Variants in DPYSL2 observed in about 807,000 individuals in gnomAD.
DPYSL2 encodes the protein dihydropyrimidinase like 2, also known as dihydropyrimidinase-related protein 2.
A neutral mutation model predicts 69.9 loss-of-function variants in DPYSL2; 13 were observed. The observed-to-expected ratio is 0.19, with a 90% CI of 0.12 to 0.30. DPYSL2 has a LOEUF of 0.30. Ranked by LOEUF, DPYSL2 falls within the 10% of genes least tolerant of loss-of-function variation. The pLI, the probability that DPYSL2 is intolerant of heterozygous loss-of-function variation, is 1.00. For synonymous variants in DPYSL2, 326 were observed against 359.1 expected, an observed-to-expected ratio of 0.91 and a Z score of 1.04; for missense variants, 587 against 918.9, an observed-to-expected ratio of 0.64 and a Z score of 4.67.
In DPYSL2 at chr8:26,517,383, A is replaced by G. The variant is rs930560440; in HGVS notation, c.354+2704A>G. Among the ~76,000 whole-genome samples, 1 of 152,186 alleles carries G rather than the reference A, an allele frequency of 6.6e-6. No individual in the cohort carries two copies. The highest frequency in any genetic ancestry group is 2.4e-5 in the African/African-American group (1 of 41,446). ...GGTGTGGCTTGACTCGGCATGTCAG[A>G]TTTTGGCGGAGGAAAAGAGCTGGCA... is the stretch of plus-strand genomic sequence containing the variant. On this transcript the variant is annotated intron_variant, in intron 1 of 13. Coordinates refer to ENST00000521913, the MANE Select transcript of DPYSL2 (RefSeq NM_001197293.3). This position sits in a 1 kb window ranked among gnomAD's most constrained non-coding sequence, Gnocchi z 4.2.
intron 1 of DPYSL2, among the ~76,000 whole-genome samples, chr8:26,521,573 TCA>T (rs1808385334): frequency 6.6e-6 from 1 of 152,338 alleles, no homozygotes; most frequent in African/African-American, 2.4e-5. Context: ...TTTACTGCAT[TCA>T]CAGTGTTGTG....
intron 11 of DPYSL2, among the ~76,000 whole-genome samples, chr8:26,649,485 C>T (rs1333574783): frequency 5.3e-5 from 8 of 152,192 alleles, no homozygotes; most frequent in African/African-American, 9.6e-5. Context: ...GACATTTTCA[C>T]CCCAACCTAC....
intron 10 of DPYSL2, among the ~76,000 whole-genome samples, chr8:26,646,506 G>T (rs893580548): frequency 1.3e-5 from 2 of 152,186 alleles, no homozygotes; most frequent in Admixed American, 1.3e-4. Context: ...TTCAATTACT[G>T]ATTAGAGTGA....
rs533531586 is a variant in DPYSL2, at chr8:26,640,209, A to G, written c.1127-3230A>G. On this transcript the variant is annotated intron_variant, in intron 8 of 13. Coordinates refer to ENST00000521913, the MANE Select transcript of DPYSL2 (RefSeq NM_001197293.3). This position sits in a 1 kb window ranked among gnomAD's most constrained non-coding sequence, Gnocchi z 4.2. ...AAGCATATTTAAACCGCAGCCTTCCATTTATTCTTCATGAATGCACACGGG... is the reference window on the plus strand; with the variant it reads ...AAGCATATTTAAACCGCAGCCTTCCGTTTATTCTTCATGAATGCACACGGG... Among the ~76,000 whole-genome samples the G allele has an allele frequency of 1.1e-4, 17 of 152,290 alleles. No homozygotes were observed. The South Asian group carries it at 2.1e-3, about 19-fold the overall frequency.
In DPYSL2 at chr8:26,609,723, C is replaced by T. The variant is rs1240193609; in HGVS notation, c.629-14420C>T. ...AGAGTGCAGCCTGGCCAGGCAGGGACTGTTGACCCTGGCCCCTGTAGGAAG... is the reference window on the plus strand; with the variant it reads ...AGAGTGCAGCCTGGCCAGGCAGGGATTGTTGACCCTGGCCCCTGTAGGAAG... On this transcript the variant is annotated intron_variant, in intron 3 of 13. Transcript: ENST00000521913. The surrounding 1 kb of genome is among the most constrained non-coding windows in gnomAD (Gnocchi z 6.5). Among the ~76,000 whole-genome samples, 8 of 152,340 alleles carry T rather than the reference C, an allele frequency of 5.3e-5. No individual in the cohort carries two copies. The highest frequency in any genetic ancestry group is 5.2e-4 in the Admixed American group (8 of 15,298).
intron 1 of DPYSL2, among the ~76,000 whole-genome samples, chr8:26,543,854 G>T (rs374409251): frequency 6.6e-6 from 1 of 151,972 alleles, no homozygotes; most frequent in Non-Finnish European, 1.5e-5. Context: ...CTTTCAGGCC[G>T]GGCTGGTCTT....
intron 7 of DPYSL2, among the ~76,000 whole-genome samples, chr8:26,633,695 C>T (rs1208301264): frequency 6.6e-6 from 1 of 151,714 alleles, no homozygotes; most frequent in Non-Finnish European, 1.5e-5. Flanking sequence ...AGGCTGGTCT[C>T]GAACTCCTGA....
At chr8:26,595,863 A>G (rs1471207777) in intron 3 of DPYSL2, among the ~76,000 whole-genome samples, 1 of 152,196 alleles carries the variant, frequency 6.6e-6, no homozygotes, top group Admixed American at 6.5e-5. Context: ...AACTGAAAGC[A>G]AAGGGAGGAC....
intron 7 of DPYSL2, among the ~76,000 whole-genome samples, chr8:26,628,781 A>G (rs1404560023): frequency 6.6e-6 from 1 of 152,208 alleles, no homozygotes; most frequent in African/African-American, 2.4e-5. Context: ...GTGGAGGCTG[A>G]CAGTGAGGAG....
chr8:26,603,844 G>T (rs7834325), intron 3 of DPYSL2, among the ~76,000 whole-genome samples: 61,545 of 151,952 alleles, frequency 0.41, 14,773 homozygotes, highest in East Asian at 0.7. Flanking sequence ...ATATTTCATC[G>T]TATATATAGA....
At position 26,640,236 on chromosome 8, in the gene DPYSL2, C is replaced by T. The variant is rs1803010763; in HGVS notation, c.1127-3203C>T. Among the ~76,000 whole-genome samples, 1 of 152,184 alleles carries T rather than the reference C, an allele frequency of 6.6e-6. No individual in the cohort carries two copies. The highest frequency in any genetic ancestry group is 1.5e-5 in the Non-Finnish European group (1 of 68,032). On this transcript the variant is annotated intron_variant, in intron 8 of 13. Coordinates refer to ENST00000521913, the MANE Select transcript of DPYSL2 (RefSeq NM_001197293.3). The surrounding 1 kb of genome is among the most constrained non-coding windows in gnomAD (Gnocchi z 4.2). ...TTATTCTTCATGAATGCACACGGGC[C>T]CCAGACTGGTTGTAAATAAGCACCA...
At chr8:26,599,009 C>T (rs1271805954) in intron 3 of DPYSL2, among the ~76,000 whole-genome samples, 4 of 152,206 alleles carry the variant, frequency 2.6e-5, no homozygotes, top group African/African-American at 9.7e-5. Flanking sequence ...CCGAAAAGCT[C>T]ACTTTTCAGA....
chr8:26,615,802 A>C (rs1802333237), intron 3 of DPYSL2, among the ~76,000 whole-genome samples: 1 of 152,212 alleles, frequency 6.6e-6, no homozygotes, highest in Admixed American at 6.5e-5. Context: ...CATTCTAAAT[A>C]GTTCCAGCTC....
Position 26,571,393 on chromosome 8 carries a change from C to T in DPYSL2, c.355-10576C>T, listed in dbSNP as rs938858676. ...TTGGAGACCAGCACGCAGGGGACCA[C>T]GTGCACACTCTTTGTTCGCCACCAG... On this transcript the variant is annotated intron_variant, in intron 1 of 13. Transcript: ENST00000521913. This position sits in a 1 kb window ranked among gnomAD's most constrained non-coding sequence, Gnocchi z 6.1. 6.6e-6 allele frequency among the ~76,000 whole-genome samples: 1 copy of T among 152,120 alleles called. No individual in the cohort carries two copies. The highest frequency in any genetic ancestry group is 1.5e-5 in the Non-Finnish European group (1 of 68,004).
intron 7 of DPYSL2, among the ~76,000 whole-genome samples, chr8:26,633,898 C>G (rs1415807016): frequency 6.6e-6 from 1 of 152,194 alleles, no homozygotes; most frequent in Non-Finnish European, 1.5e-5. Context: ...TTGGTGTAGA[C>G]AAACGGGGCC....
chr8:26,651,359 C>T (rs1803276147), intron 11 of DPYSL2, among the ~76,000 whole-genome samples: 1 of 152,232 alleles, frequency 6.6e-6, no homozygotes, highest in African/African-American at 2.4e-5. Context: ...CAGAGGCCAG[C>T]TCCCTGAGTG....
intron 3 of DPYSL2, among the ~76,000 whole-genome samples, chr8:26,615,581 A>T (rs1252291016): frequency 6.6e-6 from 1 of 152,024 alleles, no homozygotes; most frequent in Admixed American, 6.6e-5. Flanking sequence ...GGCAGGTGTG[A>T]TGTTTGGTCT....
intron 7 of DPYSL2, among the ~76,000 whole-genome samples, chr8:26,628,829 T>C (rs929557302): frequency 2.0e-5 from 3 of 152,098 alleles, no homozygotes; most frequent in African/African-American, 7.2e-5. Flanking sequence ...TGGCAAGAGC[T>C]CCCTGCAGGG....
intron 8 of DPYSL2, among the ~76,000 whole-genome samples, chr8:26,638,813 C>A (rs1327202872): frequency 6.6e-6 from 1 of 152,236 alleles, no homozygotes; most frequent in Non-Finnish European, 1.5e-5. Context: ...GAATTAGAAA[C>A]CATGATTCCA....
Sources: allele counts gnomAD v4.1 joint callset (sites outside exome capture counted in the v4.1 genomes callset), GRCh38; gene constraint gnomAD v4.1.1; non-coding constraint Gnocchi (gnomAD v3.1); transcripts MANE v1.5; gene names NCBI Gene and HGNC (gene_info 2026-07-23, HGNC 2026-07-21).